The following ANK3 variants were observed in gnomAD, a reference collection of about 807,000 sequenced individuals.
The protein encoded by ANK3 is ankyrin 3, also known as ankyrin-3.
ANK3 carries 57 observed loss-of-function variants against 370.9 expected under a neutral mutation model. The ratio of observed to expected loss-of-function variants is 0.15; its 90% confidence interval spans 0.12 to 0.19. The LOEUF is 0.19. ANK3 is among the 10% of genes least tolerant of loss of function. The pLI is 1.00. For missense variants in ANK3, 4,439 were observed against 5,302.1 expected, an observed-to-expected ratio of 0.84 and a Z score of 5.06; for synonymous variants, 1,929 against 1,946.3, an observed-to-expected ratio of 0.99 and a Z score of 0.23.
At chr10:60,200,273 A>G (rs1318148449) in intron 12 of ANK3, 46 bp from the exon 13 acceptor site, 1 of 1,451,982 alleles carries the variant, frequency 6.9e-7, no homozygotes, top group Non-Finnish European at 9.7e-7. Context: ...TCTGAAGAAG[A>G]GTAGTGTATT....
intron 2 of ANK3, among the ~76,000 whole-genome samples, chr10:60,504,798 A>G (rs1432128909): frequency 6.6e-6 from 1 of 152,140 alleles, no homozygotes; most frequent in Non-Finnish European, 1.5e-5. Flanking sequence ...GCCAAGAAAC[A>G]GAGAGGAGGG....
intron 1 of ANK3, among the ~76,000 whole-genome samples, chr10:60,318,345 T>C (rs1050313440): frequency 3.9e-5 from 6 of 152,232 alleles, no homozygotes; most frequent in African/African-American, 7.2e-5. Context: ...CAGTGCATTT[T>C]CACTTAGACT....
chr10:60,061,873 C>T (rs1365593955), intron 40 of ANK3: 1 of 152,062 alleles, frequency 6.6e-6, no homozygotes, highest in East Asian at 1.9e-4. Context: ...GTTTGTGACT[C>T]TTGTTAATCT....
chr10:60,156,015 A>T (rs568422383), intron 23 of ANK3, among the ~76,000 whole-genome samples: 36 of 152,292 alleles, frequency 2.4e-4, no homozygotes, highest in Admixed American at 2.4e-3. Flanking sequence ...TGATTGTGTG[A>T]ATCAATTCTC....
At chr10:60,311,956 G>A (rs1256472186) in intron 1 of ANK3, among the ~76,000 whole-genome samples, 1 of 152,126 alleles carries the variant, frequency 6.6e-6, no homozygotes, top group Non-Finnish European at 1.5e-5. Context: ...CTCCAGCCCT[G>A]TAGAATTTTA....
chr10:60,091,641 T>A (rs1219446868), intron 28 of ANK3, among the ~76,000 whole-genome samples: 1 of 152,014 alleles, frequency 6.6e-6, no homozygotes, highest in Non-Finnish European at 1.5e-5. Flanking sequence ...GACTGCCCTG[T>A]ATAACCTGCG....
chr10:60,293,736 C>T (rs549308002), intron 1 of ANK3, among the ~76,000 whole-genome samples: 7 of 152,292 alleles, frequency 4.6e-5, no homozygotes, highest in South Asian at 2.1e-4. Flanking sequence ...TGGCAGTCTG[C>T]GGAGATCCTT....
intron 28 of ANK3, among the ~76,000 whole-genome samples, chr10:60,096,511 G>A (rs1003061629): frequency 9.2e-5 from 14 of 152,266 alleles, no homozygotes; most frequent in African/African-American, 2.6e-4. Flanking sequence ...TGGCCAGTTC[G>A]TAAGAAACAA....
In ANK3 at chr10:60,358,160, A is replaced by T. The variant is rs150450331; in HGVS notation, c.114+31265T>A. Among the ~76,000 whole-genome samples the T allele has an allele frequency of 3.9e-3, 595 of 151,532 alleles. 2 individuals are homozygous for T. The highest frequency in any genetic ancestry group is 6.6e-3 in the Admixed American group (101 of 15,190). Reference sequence around the variant, plus strand: ...CACACACACCCAAAACTTCTCTCTTATCCCACTTTTCCAGCTACTATGTCA... The same window carrying T: ...CACACACACCCAAAACTTCTCTCTTTTCCCACTTTTCCAGCTACTATGTCA... On this transcript the variant is annotated intron_variant, in intron 1 of 43. Coordinates refer to ENST00000280772, the MANE Select transcript of ANK3 (RefSeq NM_020987.5).
rs551076681 is a variant in ANK3, at chr10:60,259,518, A to G, written c.798+2341T>C. Among the ~76,000 whole-genome samples the G allele has an allele frequency of 2.1e-3, 316 of 152,366 alleles. 1 individual carries two copies. The highest frequency in any genetic ancestry group is 3.6e-3 in the Non-Finnish European group (248 of 68,044). On this transcript the variant is annotated intron_variant, in intron 7 of 43. Coordinates refer to ENST00000280772, the MANE Select transcript of ANK3 (RefSeq NM_020987.5). ...ATATGGTAACTCAGGAAGGTTAACA[A>G]CGTGGGTCTGATGTCTCCACTGATT... is the stretch of plus-strand genomic sequence containing the variant.
At chr10:60,305,692 G>A (rs1413440455) in intron 1 of ANK3, among the ~76,000 whole-genome samples, 2 of 152,152 alleles carry the variant, frequency 1.3e-5, no homozygotes, top group African/African-American at 4.8e-5. Flanking sequence ...GAAATAAGAA[G>A]ACTAATAATT....
At chr10:60,096,769 A>G (rs1177967613) in intron 28 of ANK3, among the ~76,000 whole-genome samples, 1 of 152,236 alleles carries the variant, frequency 6.6e-6, no homozygotes, top group Non-Finnish European at 1.5e-5. Flanking sequence ...TATTGGCAAA[A>G]ATAAATATTC....
chr10:60,635,631 A>G (rs2119913), intron 1 of ANK3, among the ~76,000 whole-genome samples: 102,712 of 151,828 alleles, frequency 0.68, 34,887 homozygotes, highest in South Asian at 0.82. Flanking sequence ...CTCAAGCACA[A>G]GTCCATTATT....
intron 1 of ANK3, among the ~76,000 whole-genome samples, chr10:60,318,757 C>CT (rs965306776): frequency 2.0e-5 from 3 of 152,126 alleles, no homozygotes; most frequent in Non-Finnish European, 4.4e-5. Context: ...AACATTATCT[C>CT]TTTTTTTAAA....
At chr10:60,722,394 T>C (rs1470692235) in intron 1 of ANK3, among the ~76,000 whole-genome samples, 2 of 151,970 alleles carry the variant, frequency 1.3e-5, no homozygotes, top group Non-Finnish European at 2.9e-5. Context: ...TAGTGAGCTA[T>C]GATCGCACCA....
intron 36 of ANK3, 193 bp downstream of exon 36, chr10:60,080,344 A>G: frequency 1.9e-6 from 1 of 536,948 alleles, no homozygotes; most frequent in Non-Finnish European, 3.2e-6. Context: ...GTTTTGAAGT[A>G]TGAGCTAGGG....
chr10:60,172,757 T>C (rs1015897200), intron 20 of ANK3, 143 bp downstream of exon 20: 14 of 626,454 alleles, frequency 2.2e-5, no homozygotes, highest in African/African-American at 3.7e-5. Context: ...CAGAACAATA[T>C]GGTTATTGTC....
intron 1 of ANK3, among the ~76,000 whole-genome samples, chr10:60,310,125 A>T (rs1026164463): frequency 2.0e-5 from 3 of 151,808 alleles, no homozygotes; most frequent in African/African-American, 7.3e-5. Context: ...GGGTCTAGCT[A>T]TGTTGCCCAG....
rs2072445338 is a variant in ANK3 at position 60,027,232 on chromosome 10, A to T, written c.*2614T>A. 1 of 151,274 alleles carries T rather than the reference A, an allele frequency of 6.6e-6. No individual in the cohort carries two copies. The highest frequency in any genetic ancestry group is 1.5e-5 in the Non-Finnish European group (1 of 67,828). 9.4% of individuals were successfully genotyped at this position (151,274 alleles called of 1,614,324 possible). The stretch of plus-strand genomic sequence containing the variant: ...CAGAAATTCGTAACTCTTAGATAGG[A>T]AGTTAGGACACCTATATTCTGATCC... On this transcript the variant is annotated 3_prime_UTR_variant, in exon 44 of 44. Transcript: ENST00000280772.
Sources: gnomAD v4.1 joint callset for allele counts (sites outside exome capture counted in the v4.1 genomes callset) on GRCh38, gnomAD v4.1.1 for gene constraint, MANE v1.5 for transcripts, NCBI Gene and HGNC (gene_info 2026-07-23, HGNC 2026-07-21) for gene names.